Variants in TRIM26 observed in about 807,000 individuals in gnomAD.
TRIM26 encodes tripartite motif-containing protein 26.
TRIM26 carries 16 observed loss-of-function variants against 45.5 expected under a neutral mutation model. The observed-to-expected ratio is 0.35, with a 90% CI of 0.24 to 0.53. The LOEUF (loss-of-function observed/expected upper bound fraction) is 0.53. Among genes scored for constraint, TRIM26 ranks in the 20% least tolerant of loss-of-function variants. The pLI, the probability that TRIM26 is intolerant of heterozygous loss-of-function variation, is 0.92. For missense variants in TRIM26, 442 were observed against 691.1 expected (o/e 0.64, Z 4.04); for synonymous variants, 273 against 290.4 (o/e 0.94, Z 0.61).
intron 6 of TRIM26, among the ~76,000 whole-genome samples, chr6:30,195,241 A>G (rs945274522): frequency 7.2e-5 from 11 of 152,162 alleles, no homozygotes; most frequent in Non-Finnish European, 1.6e-4. Context: ...GCATTCACAC[A>G]TGGCAGGGGC....
At chr6:30,205,136 C>T (rs1777598873) in intron 1 of TRIM26, among the ~76,000 whole-genome samples, 1 of 152,034 alleles carries the variant, frequency 6.6e-6, no homozygotes, top group South Asian at 2.1e-4. Flanking sequence ...AGCTACTGGG[C>T]AGGCTGAGGC....
At chr6:30,195,740 C>T (rs1776393278) in intron 6 of TRIM26, among the ~76,000 whole-genome samples, 1 of 152,302 alleles carries the variant, frequency 6.6e-6, no homozygotes, top group Non-Finnish European at 1.5e-5. Context: ...GACCCAGCCA[C>T]CCTAAACAGT....
rs1775059456 is a variant in TRIM26, at chr6:30,185,476, T to G, written c.*400A>C. 5 of 213,574 alleles carry G rather than the reference T, an allele frequency of 2.3e-5. 1 individual carries two copies. The highest frequency in any genetic ancestry group is 1.8e-5 in the Non-Finnish European group (2 of 109,134). 13.2% of individuals were successfully genotyped at this position (213,574 alleles called of 1,614,324 possible). On this transcript the variant is annotated 3_prime_UTR_variant, in exon 10 of 10. Coordinates refer to ENST00000454678, the MANE Select transcript of TRIM26 (RefSeq NM_003449.5). The surrounding 1 kb of genome is among the most constrained non-coding windows in gnomAD (Gnocchi z 5.7). ...TTTGTGCAAGAAGGAACCTGGGGGG[T>G]TTAAGGACAGCAAAATGATCTTAGG... is the stretch of plus-strand genomic sequence containing the variant.
At position 30,198,139 on chromosome 6, in the gene TRIM26, G is replaced by A. The variant is rs1776687183; in HGVS notation, c.534+290C>T. ...TCAGTCCCCTGGCAGAAGAGAACCA[G>A]CAGCTGGACATGGGCCCTGCCTTCA... is the stretch of plus-strand genomic sequence containing the variant. On this transcript the variant is annotated intron_variant, in intron 5 of 9. Coordinates refer to ENST00000454678, the MANE Select transcript of TRIM26 (RefSeq NM_003449.5). The surrounding 1 kb of genome is among the most constrained non-coding windows in gnomAD (Gnocchi z 6.3). 6.6e-6 allele frequency among the ~76,000 whole-genome samples: 1 copy of A among 152,208 alleles called. No individual in the cohort carries two copies. Among genetic ancestry groups the A allele is most frequent in the Non-Finnish European group, 1.5e-5 (1 of 68,044 alleles).
rs1776527303 is a variant in TRIM26, at chr6:30,196,818, C to T, written c.535-72G>A. The T allele has an allele frequency of 5.9e-6, 9 of 1,513,638 alleles. No homozygotes were observed. Among genetic ancestry groups the T allele is most frequent in the Non-Finnish European group, 8.2e-6 (9 of 1,098,798 alleles). The allele number at this position is 1,513,638 out of a possible 1,614,324, so 93.8% of individuals were successfully genotyped here. A position where few individuals can be genotyped will look rare whatever the true frequency, so the allele number is the denominator to read the frequency against. ...TGGAGGGCCCAGTGCTGGAGGTGTG[C>T]AAGGCTGGCTCGTTCACCTCGCTAC... On this transcript the variant is annotated intron_variant, in intron 5 of 9. Coordinates refer to ENST00000454678, the MANE Select transcript of TRIM26 (RefSeq NM_003449.5). This position sits in a 1 kb window ranked among gnomAD's most constrained non-coding sequence, Gnocchi z 4.9.
At chr6:30,206,438 A>G (rs1273750779) in intron 1 of TRIM26, among the ~76,000 whole-genome samples, 1 of 152,248 alleles carries the variant, frequency 6.6e-6, no homozygotes, top group Non-Finnish European at 1.5e-5. Flanking sequence ...CAGGGCTCAA[A>G]GAGGGGCAGG....
At chr6:30,203,936 A>T (rs1218246739) in intron 2 of TRIM26, among the ~76,000 whole-genome samples, 1 of 152,112 alleles carries the variant, frequency 6.6e-6, no homozygotes. Context: ...ATTCTTAAAG[A>T]GGTCTGTAGT....
At chr6:30,194,311 AG>A in intron 6 of TRIM26, among the ~76,000 whole-genome samples, 1 of 142,510 alleles carries the variant, frequency 7.0e-6, no homozygotes, top group Non-Finnish European at 1.5e-5. Flanking sequence ...GAGGTTGGGA[AG>A]GGGGCTGGGG....
At chr6:30,195,877 C>CG (rs979193381) in intron 6 of TRIM26, among the ~76,000 whole-genome samples, 5 of 152,182 alleles carry the variant, frequency 3.3e-5, no homozygotes, top group Non-Finnish European at 7.4e-5. Context: ...CAGAGGCTCC[C>CG]GGGGGGGAGG....
At chr6:30,193,069 T>TATAC in intron 6 of TRIM26, among the ~76,000 whole-genome samples, 1 of 142,520 alleles carries the variant, frequency 7.0e-6, no homozygotes, top group East Asian at 2.0e-4. Flanking sequence ...GTAGTATATA[T>TATAC]ATATATATGT....
chr6:30,193,160 GTGTA>G (rs1562199923), intron 6 of TRIM26, among the ~76,000 whole-genome samples: 3 of 33,168 alleles, frequency 9.0e-5, no homozygotes, highest in Middle Eastern at 0.024. Flanking sequence ...GTGTGTGTGT[GTGTA>G]TATATATATA....
chr6:30,187,887 C>T (rs1175269360), intron 9 of TRIM26, among the ~76,000 whole-genome samples: 3 of 128,222 alleles, frequency 2.3e-5, no homozygotes, highest in Admixed American at 9.1e-5. Context: ...CACTACACTC[C>T]AGCCTGGAAG....
chr6:30,200,771 G>A (rs759729061), intron 3 of TRIM26, among the ~76,000 whole-genome samples: 1 of 152,190 alleles, frequency 6.6e-6, no homozygotes, highest in Non-Finnish European at 1.5e-5. Context: ...GTATCCATCT[G>A]TAAAATGGGA....
At chr6:30,206,964 C>T (rs532186890) in intron 1 of TRIM26, among the ~76,000 whole-genome samples, 111 of 152,362 alleles carry the variant, frequency 7.3e-4, no homozygotes, top group Middle Eastern at 6.8e-3. Context: ...CTCTGGGCTC[C>T]TTCCATTCCA....
Position 30,186,570 on chromosome 6 carries a change from AG to A in TRIM26, c.938-13del. 1 of 1,418,290 alleles carries A rather than the reference AG, an allele frequency of 7.1e-7. No homozygotes were observed. Among genetic ancestry groups the A allele is most frequent in the Non-Finnish European group, 9.3e-7 (1 of 1,078,958 alleles). The allele number at this position is 1,418,290 out of a possible 1,614,324, so 87.9% of individuals were successfully genotyped here. ...CAGGGTGACGCTCACTGTGGGGACA[AG>A]GGAAAAAAAAAAAAACAGCATCACT... On this transcript the variant is annotated splice_polypyrimidine_tract_variant and intron_variant, in intron 9 of 9. Transcript: ENST00000454678. This position sits in a 1 kb window ranked among gnomAD's most constrained non-coding sequence, Gnocchi z 7.4.
chr6:30,185,481 G>C lies in TRIM26; in HGVS notation c.*395C>G, dbSNP rs1775060197. 4.4e-6 allele frequency: 1 copy of C among 229,314 alleles called. No homozygotes were observed. The allele number at this position is 229,314 out of a possible 1,614,324, so 14.2% of individuals were successfully genotyped here. ...GCAAGAAGGAACCTGGGGGGTTTAA[G>C]GACAGCAAAATGATCTTAGGCGTAA... On this transcript the variant is annotated 3_prime_UTR_variant, in exon 10 of 10. Coordinates refer to ENST00000454678, the MANE Select transcript of TRIM26 (RefSeq NM_003449.5). The surrounding 1 kb of genome is among the most constrained non-coding windows in gnomAD (Gnocchi z 5.7).
chr6:30,204,970 G>A lies in TRIM26; in HGVS notation c.-375-205C>T, dbSNP rs544628929. ...CAATAAACCAGAAGCGGCCGGGCGC[G>A]GTGGCTTCTGCCTGTAATCCTAGCA... On this transcript the variant is annotated intron_variant, in intron 1 of 9. Transcript: ENST00000454678. Among the ~76,000 whole-genome samples, 8 of 152,256 alleles carry A rather than the reference G, an allele frequency of 5.3e-5. No homozygotes were observed. The South Asian group carries it at 1.0e-3, about 20-fold the overall frequency.
In TRIM26 at chr6:30,189,110, G is replaced by A. The variant is rs1258295173; in HGVS notation, c.937+57C>T. On this transcript the variant is annotated intron_variant, in intron 9 of 9. Coordinates refer to ENST00000454678, the MANE Select transcript of TRIM26 (RefSeq NM_003449.5). The surrounding 1 kb of genome is among the most constrained non-coding windows in gnomAD (Gnocchi z 5.0). ...GGAAAAGTGAGCAGTCAGAATCTCT[G>A]CAGGCGGAGTTTTCTATATTTGATG... 4.4e-6 allele frequency: 7 copies of A among 1,574,484 alleles called. No individual in the cohort carries two copies. Among genetic ancestry groups the A allele is most frequent in the Non-Finnish European group, 5.2e-6 (6 of 1,158,500 alleles).
At chr6:30,208,022 C>A (rs2127533746) in intron 1 of TRIM26, among the ~76,000 whole-genome samples, 1 of 152,304 alleles carries the variant, frequency 6.6e-6, no homozygotes, top group South Asian at 2.1e-4. Flanking sequence ...ACTCGCTTAA[C>A]ACCAGCTTTT....
Sources: gnomAD v4.1 joint callset for allele counts (sites outside exome capture counted in the v4.1 genomes callset) on GRCh38, gnomAD v4.1.1 for gene constraint, Gnocchi (gnomAD v3.1) non-coding constraint, MANE v1.5 for transcripts, NCBI Gene and HGNC (gene_info 2026-07-23, HGNC 2026-07-21) for gene names.